Variants in PCDHA1 observed in about 807,000 individuals in gnomAD.
PCDHA1 encodes the protein protocadherin alpha 1, also known as protocadherin alpha-1.
In PCDHA1, 42 loss-of-function variants were observed where a neutral mutation model predicts 61.3. The observed-to-expected ratio is 0.69, with a 90% CI of 0.54 to 0.89. PCDHA1 has a LOEUF of 0.89. Among genes scored for constraint, PCDHA1 ranks in the 40% least tolerant of loss-of-function variants. The pLI, the probability that PCDHA1 is intolerant of heterozygous loss-of-function variation, is 0.00. For missense variants in PCDHA1, 1,256 were observed against 1,235.3 expected (o/e 1.02, Z -0.25); for synonymous variants, 610 against 553.8 (o/e 1.10, Z -1.43).
intron 1 of PCDHA1, chr5:140,829,807 T>G (rs146736705): frequency 5.0e-6 from 8 of 1,613,716 alleles, no homozygotes; most frequent in Non-Finnish European, 6.8e-6. Flanking sequence ...GGGTGGGTGG[T>G]ACTGGTGGTG....
intron 1 of PCDHA1, among the ~76,000 whole-genome samples, chr5:140,946,626 A>G (rs2093985217): frequency 7.5e-6 from 1 of 132,480 alleles, no homozygotes; most frequent in Non-Finnish European, 1.6e-5. Context: ...ATATATATAT[A>G]TATATACAAT....
chr5:140,813,572 G>A (rs1306655317), intron 1 of PCDHA1: 1 of 152,194 alleles, frequency 6.6e-6, no homozygotes, highest in Non-Finnish European at 1.5e-5. Flanking sequence ...GGAGACTGCG[G>A]GGCTGGAAAT....
At chr5:140,980,189 A>T (rs2096879459) in intron 2 of PCDHA1, among the ~76,000 whole-genome samples, 1 of 152,226 alleles carries the variant, frequency 6.6e-6, no homozygotes, top group African/African-American at 2.4e-5. Context: ...CTTTATATTT[A>T]TTAGAGACCA....
At chr5:140,823,659 C>A in intron 1 of PCDHA1, 1 of 1,613,984 alleles carries the variant, frequency 6.2e-7, no homozygotes, top group Non-Finnish European at 8.5e-7. Context: ...TGTACACAGG[C>A]GAGATCAGCA....
chr5:141,004,124 C>T (rs1225012224), intron 3 of PCDHA1, among the ~76,000 whole-genome samples: 1 of 152,202 alleles, frequency 6.6e-6, no homozygotes, highest in Non-Finnish European at 1.5e-5. Context: ...GGAGTATCTC[C>T]ATGATTCTGC....
chr5:140,968,159 A>T, intron 1 of PCDHA1: 6 of 1,614,136 alleles, frequency 3.7e-6, no homozygotes, highest in Non-Finnish European at 4.2e-6. Flanking sequence ...CATCAATGAC[A>T]ATCCACCAAG....
rs544683188 is a variant in PCDHA1 at position 140,871,907 on chromosome 5, C to G, written c.2394+83223C>G. ...TCTTTGTCTTTTAGCAGAGTTTTGC[C>G]TTGATATTTCCACATTGTTAGATCA... On this transcript the variant is annotated intron_variant, in intron 1 of 3. Coordinates refer to ENST00000504120, the MANE Select transcript of PCDHA1 (RefSeq NM_018900.4). Among the ~76,000 whole-genome samples the G allele has an allele frequency of 3.9e-5, 6 of 152,316 alleles. No homozygotes were observed. In the South Asian group the frequency reaches 1.2e-3, roughly 32 times the overall value.
intron 1 of PCDHA1, among the ~76,000 whole-genome samples, chr5:140,792,789 T>C (rs1761730031): frequency 6.6e-6 from 1 of 152,218 alleles, no homozygotes. Context: ...TAAATAATAA[T>C]TACTGGGTAT....
At chr5:140,973,273 C>A (rs1180418925) in intron 1 of PCDHA1, among the ~76,000 whole-genome samples, 1 of 152,150 alleles carries the variant, frequency 6.6e-6, no homozygotes, top group Non-Finnish European at 1.5e-5. Flanking sequence ...ACTTTTATTT[C>A]CCCCAGCACT....
chr5:140,862,988 C>A (rs1554157382), intron 1 of PCDHA1: 6 of 546,930 alleles, frequency 1.1e-5, no homozygotes, highest in Non-Finnish European at 2.2e-5. Context: ...GGCGAAGGTG[C>A]GCACGGTGGA....
At chr5:140,830,066 C>G (rs1770795719) in intron 1 of PCDHA1, 1 of 1,613,706 alleles carries the variant, frequency 6.2e-7, no homozygotes, top group Non-Finnish European at 8.5e-7. Flanking sequence ...TGAGCCGGCG[C>G]TGACAGCGAC....
At chr5:140,807,715 A>G in intron 1 of PCDHA1, 1 of 1,614,204 alleles carries the variant, frequency 6.2e-7, no homozygotes, top group African/African-American at 1.3e-5. Context: ...GCCCAAATGA[A>G]TACTTTTCTC....
intron 3 of PCDHA1, among the ~76,000 whole-genome samples, chr5:141,002,059 G>T (rs983772482): frequency 6.6e-6 from 1 of 152,242 alleles, no homozygotes; most frequent in East Asian, 1.9e-4. Flanking sequence ...AGAGGCAGCA[G>T]CAGCCGCCAG....
Position 140,851,361 on chromosome 5 carries a change from A to G in PCDHA1, c.2394+62677A>G, listed in dbSNP as rs1342409970. The G allele has an allele frequency of 6.1e-6, 6 of 978,064 alleles. No individual in the cohort carries two copies. In the African/African-American group the frequency reaches 8.8e-5, roughly 14 times the overall value. The allele number at this position is 978,064 out of a possible 1,614,324, so 60.6% of individuals were successfully genotyped here. On this transcript the variant is annotated intron_variant, in intron 1 of 3. Coordinates refer to ENST00000504120, the MANE Select transcript of PCDHA1 (RefSeq NM_018900.4). Reference sequence around the variant, plus strand: ...ACATTTCTCTGGATGGAGACTGTGAACATCTGATTGTTCAGCAACCTTCAG... The same window carrying G: ...ACATTTCTCTGGATGGAGACTGTGAGCATCTGATTGTTCAGCAACCTTCAG...
In PCDHA1 at chr5:140,959,634, A is replaced by G. The variant is rs78629455; in HGVS notation, c.2395-19315A>G. ...TGCTTGTGATAGAAAAAAAGAGAGA[A>G]AAAACACAGAAGCAAAATTGAAGAA... On this transcript the variant is annotated intron_variant, in intron 1 of 3. Transcript: ENST00000504120. Among the ~76,000 whole-genome samples, 1,434 of 152,320 alleles carry G rather than the reference A, an allele frequency of 9.4e-3. 14 individuals carry two copies. The highest frequency in any genetic ancestry group is 0.021 in the Admixed American group (316 of 15,292).
At chr5:140,800,949 C>T in intron 1 of PCDHA1, 1 of 1,081,050 alleles carries the variant, frequency 9.3e-7, no homozygotes, top group Non-Finnish European at 1.2e-6. Context: ...GTTCAAACGA[C>T]ATACAAGGAA....
chr5:140,986,737 G>A (rs1183806071), intron 3 of PCDHA1, among the ~76,000 whole-genome samples: 1 of 152,192 alleles, frequency 6.6e-6, no homozygotes, highest in African/African-American at 2.4e-5. Flanking sequence ...CAAGACCCCA[G>A]GGGATCTGGG....
chr5:140,991,191 A>G (rs1316296536), intron 3 of PCDHA1, among the ~76,000 whole-genome samples: 2 of 152,218 alleles, frequency 1.3e-5, no homozygotes, highest in South Asian at 2.1e-4. Flanking sequence ...CTAGCACACA[A>G]TGATGCTCAA....
At chr5:140,946,374 CGGTT>C (rs1308149019) in intron 1 of PCDHA1, among the ~76,000 whole-genome samples, 6 of 151,656 alleles carry the variant, frequency 4.0e-5, no homozygotes, top group Non-Finnish European at 5.9e-5. Flanking sequence ...CTCTTGCACA[CGGTT>C]GGTAGGAATG....
Sources: allele counts gnomAD v4.1 joint callset (sites outside exome capture counted in the v4.1 genomes callset), GRCh38; gene constraint gnomAD v4.1.1; transcripts MANE v1.5; gene names NCBI Gene and HGNC (gene_info 2026-07-23, HGNC 2026-07-21).